The following PPP1R9A variants were observed in gnomAD, a reference collection of about 807,000 sequenced individuals.
PPP1R9A encodes protein phosphatase 1 regulatory subunit 9A, also known as neurabin-1.
PPP1R9A carries 59 observed loss-of-function variants against 141.9 expected under a neutral mutation model. The observed-to-expected ratio is 0.42, with a 90% CI of 0.34 to 0.52. The LOEUF (loss-of-function observed/expected upper bound fraction) is 0.52, where lower values mean the gene tolerates loss of function less well. PPP1R9A is among the 20% of genes least tolerant of loss of function. The probability of loss-of-function intolerance (pLI) is 0.10; values close to 1 mark genes in which losing one functional copy is unlikely to be tolerated. For missense variants in PPP1R9A, 1,444 were observed against 1,611.9 expected, an observed-to-expected ratio of 0.90 and a Z score of 1.78; for synonymous variants, 500 against 569.7, an observed-to-expected ratio of 0.88 and a Z score of 1.74.
chr7:95,283,377 G>A (rs1421627813), intron 16 of PPP1R9A, among the ~76,000 whole-genome samples: 1 of 152,070 alleles, frequency 6.6e-6, no homozygotes, highest in East Asian at 1.9e-4. Context: ...TTTACAGATG[G>A]AGAACTAAAA....
At chr7:95,147,107 T>G (rs538726057) in intron 4 of PPP1R9A, among the ~76,000 whole-genome samples, 30 of 152,230 alleles carry the variant, frequency 2.0e-4, no homozygotes, top group Non-Finnish European at 3.4e-4. Context: ...TTTCATGATA[T>G]TGATTCTTCC....
intron 2 of PPP1R9A, among the ~76,000 whole-genome samples, chr7:94,991,427 A>G (rs1801494633): frequency 6.6e-6 from 1 of 151,992 alleles, no homozygotes; most frequent in African/African-American, 2.4e-5. Context: ...CTGGATATTA[A>G]TCTCCTGTCA....
intron 2 of PPP1R9A, among the ~76,000 whole-genome samples, chr7:95,019,646 A>G (rs1409117157): frequency 2.0e-5 from 3 of 152,200 alleles, no homozygotes; most frequent in African/African-American, 7.2e-5. Context: ...ATAAACCATA[A>G]AAAGATGATT....
At chr7:95,152,016 A>G (rs866017463) in intron 4 of PPP1R9A, among the ~76,000 whole-genome samples, 2 of 131,292 alleles carry the variant, frequency 1.5e-5, no homozygotes, top group South Asian at 4.7e-4. Context: ...CAGTAGCACA[A>G]TCTTGGCTCA....
At chr7:95,236,973 T>C (rs1053356117) in intron 8 of PPP1R9A, among the ~76,000 whole-genome samples, 1 of 151,660 alleles carries the variant, frequency 6.6e-6, no homozygotes, top group Non-Finnish European at 1.5e-5. Flanking sequence ...TTTTGCTATA[T>C]TGTGTTATGG....
intron 2 of PPP1R9A, among the ~76,000 whole-genome samples, chr7:94,919,257 G>A (rs998946856): frequency 2.0e-5 from 3 of 151,176 alleles, no homozygotes; most frequent in African/African-American, 7.3e-5. Flanking sequence ...AGCCTCCCAA[G>A]TAGCTGGGAC....
At chr7:95,214,800 CA>C (rs368180501) in intron 7 of PPP1R9A, among the ~76,000 whole-genome samples, 83 of 151,868 alleles carry the variant, frequency 5.5e-4, no homozygotes, top group African/African-American at 1.8e-3. Context: ...TTTTTTTGGT[CA>C]AAATTTTAGG....
At chr7:94,957,266 G>A (rs913516202) in intron 2 of PPP1R9A, among the ~76,000 whole-genome samples, 9 of 152,088 alleles carry the variant, frequency 5.9e-5, no homozygotes, top group African/African-American at 1.9e-4. Flanking sequence ...CTGGACTTCA[G>A]TCTAGCTGCT....
At chr7:95,008,208 C>T (rs1401017088) in intron 2 of PPP1R9A, among the ~76,000 whole-genome samples, 1 of 152,092 alleles carries the variant, frequency 6.6e-6, no homozygotes, top group Non-Finnish European at 1.5e-5. Flanking sequence ...AGCTGAGAAT[C>T]AGATGCCTTT....
At chr7:95,031,713 A>G (rs953007734) in intron 2 of PPP1R9A, among the ~76,000 whole-genome samples, 1 of 151,748 alleles carries the variant, frequency 6.6e-6, no homozygotes, top group Non-Finnish European at 1.5e-5. Flanking sequence ...CTAAGATTGC[A>G]TCACTGCACT....
intron 4 of PPP1R9A, among the ~76,000 whole-genome samples, chr7:95,159,955 G>A (rs1033183684): frequency 3.4e-5 from 5 of 148,576 alleles, no homozygotes; most frequent in Admixed American, 2.0e-4. Flanking sequence ...AAGAAAGAAA[G>A]AAAAAATGTG....
intron 2 of PPP1R9A, among the ~76,000 whole-genome samples, chr7:95,039,546 A>G (rs1808921630): frequency 6.6e-6 from 1 of 151,010 alleles, no homozygotes; most frequent in African/African-American, 2.5e-5. Flanking sequence ...CGACAGAGGG[A>G]GACTACATCT....
chr7:94,973,879 A>C (rs1799142260), intron 2 of PPP1R9A, among the ~76,000 whole-genome samples: 1 of 151,932 alleles, frequency 6.6e-6, no homozygotes, highest in African/African-American at 2.4e-5. Context: ...TGTCACATCC[A>C]GCTAATTTTT....
chr7:95,013,962 A>G (rs1466696170), intron 2 of PPP1R9A, among the ~76,000 whole-genome samples: 1 of 152,100 alleles, frequency 6.6e-6, no homozygotes, highest in Non-Finnish European at 1.5e-5. Context: ...GAAACATTTT[A>G]TCATAGTTGT....
intron 2 of PPP1R9A, among the ~76,000 whole-genome samples, chr7:95,091,141 T>G (rs1431433735): frequency 6.6e-6 from 1 of 151,888 alleles, no homozygotes; most frequent in East Asian, 1.9e-4. Context: ...TTTTACTTTT[T>G]AAAGTAATGT....
In PPP1R9A at chr7:95,290,238, C is replaced by T; in HGVS notation, c.4060C>T (p.Gln1354Ter). The T allele has an allele frequency of 6.2e-7, 1 of 1,613,260 alleles. No homozygotes were observed. Among genetic ancestry groups the T allele is most frequent in the Non-Finnish European group, 8.5e-7 (1 of 1,179,614 alleles). ...AAGGAGAAAGGAGCAAGAGCAAATGCAGAGGAAGTCCAAAAAGACAGAAAA... is the reference window on the plus strand; with the variant it reads ...AAGGAGAAAGGAGCAAGAGCAAATGTAGAGGAAGTCCAAAAAGACAGAAAA... ...KLRRKEQEQMQRKSKKTEKMT... is the reference protein window; with the variant it reads ...KLRRKEQEQM Residue 1354 changes from glutamine to a stop codon, truncating the protein, a stop_gained, in exon 20 of 20, where the codon CAG becomes TAG. Coordinates refer to ENST00000433360, the MANE Select transcript of PPP1R9A (RefSeq NM_001166160.2). LOFTEE classifies it high-confidence loss of function.
intron 2 of PPP1R9A, among the ~76,000 whole-genome samples, chr7:94,965,147 C>T (rs759414909): frequency 8.0e-5 from 12 of 150,600 alleles, no homozygotes; most frequent in Non-Finnish European, 1.8e-4. Context: ...ATTCTTTGCC[C>T]ACTTCTTGGT....
intron 3 of PPP1R9A, among the ~76,000 whole-genome samples, chr7:95,120,042 C>T (rs991982519): frequency 2.4e-4 from 36 of 150,688 alleles, no homozygotes; most frequent in African/African-American, 8.1e-4. Flanking sequence ...CTGCAACCTC[C>T]GCCTCCTGGG....
chr7:95,053,152 ATGT>A (rs1361337887), intron 2 of PPP1R9A, among the ~76,000 whole-genome samples: 3 of 152,326 alleles, frequency 2.0e-5, no homozygotes, highest in African/African-American at 7.2e-5. Context: ...TTTCATTAAA[ATGT>A]TGTTCACAGT....
Sources: allele counts gnomAD v4.1 joint callset (sites outside exome capture counted in the v4.1 genomes callset), GRCh38; gene constraint gnomAD v4.1.1; transcripts MANE v1.5; gene names NCBI Gene and HGNC (gene_info 2026-07-23, HGNC 2026-07-21).